ACTR3C: variants seen among roughly 807,000 people sequenced by gnomAD.
The protein encoded by ACTR3C is actin related protein 3C, also known as actin-related protein 3C.
ACTR3C carries 18 observed loss-of-function variants against 26.3 expected under a neutral mutation model. The ratio of observed to expected loss-of-function variants is 0.68; its 90% CI spans 0.47 to 1.01. The LOEUF is 1.01. Among genes scored for constraint, ACTR3C ranks in the 50% least tolerant of loss-of-function variants. The probability of loss-of-function intolerance (pLI) is 0.00; values close to 1 mark genes in which losing one functional copy is unlikely to be tolerated. For synonymous variants in ACTR3C, 55 were observed against 94.5 expected, an observed-to-expected ratio of 0.58 and a Z score of 2.42; for missense variants, 184 against 250.7, an observed-to-expected ratio of 0.73 and a Z score of 1.80.
At chr7:150,297,463 T>A (rs2129613751) in intron 1 of ACTR3C, among the ~76,000 whole-genome samples, 1 of 152,086 alleles carries the variant, frequency 6.6e-6, no homozygotes, top group South Asian at 2.1e-4. Flanking sequence ...GTTCATGAAC[T>A]ATTAGAGGAT....
chr7:149,881,781 G>A, the ACTR3C span: 3,628 of 153,032 alleles, frequency 0.024, 62 homozygotes, highest in Non-Finnish European at 0.038. Flanking sequence ...CCGGGAGGTT[G>A]CAGGTAGCCG....
At chr7:150,006,195 T>TTTATTTATTTATTTATTTATTTATTTA in the ACTR3C span, among the ~76,000 whole-genome samples, 1 of 150,472 alleles carries the variant, frequency 6.6e-6, no homozygotes, top group African/African-American at 2.5e-5. Context: ...AATTTATTTA[T>TTTATTTATTTATTTATTTATTTATTTA]TTATTTATTT....
the ACTR3C span, among the ~76,000 whole-genome samples, chr7:150,187,307 C>T: frequency 1.3e-5 from 2 of 151,496 alleles, no homozygotes; most frequent in African/African-American, 4.9e-5. Flanking sequence ...GACATTACCC[C>T]AACTGGCATT....
At chr7:150,016,587 T>C in the ACTR3C span, among the ~76,000 whole-genome samples, 2 of 152,082 alleles carry the variant, frequency 1.3e-5, no homozygotes, top group African/African-American at 4.8e-5. Context: ...ATCATAGGTA[T>C]TGAGAAGACA....
chr7:150,191,631 T>A, the ACTR3C span, among the ~76,000 whole-genome samples: 3 of 152,242 alleles, frequency 2.0e-5, no homozygotes, highest in African/African-American at 7.2e-5. Context: ...GGTTTTGCCA[T>A]GTAGAAAGTT....
At chr7:149,982,782 G>A in the ACTR3C span, among the ~76,000 whole-genome samples, 1 of 152,124 alleles carries the variant, frequency 6.6e-6, no homozygotes, top group African/African-American at 2.4e-5. Context: ...AATATTCTGT[G>A]AAGATAAGAA....
At chr7:150,276,853 C>T (rs1459734149) in intron 6 of ACTR3C, among the ~76,000 whole-genome samples, 3 of 152,168 alleles carry the variant, frequency 2.0e-5, no homozygotes, top group Admixed American at 1.3e-4. Flanking sequence ...TTTTCTTTCT[C>T]TTCTCAGGCG....
At chr7:150,109,437 A>G in the ACTR3C span, among the ~76,000 whole-genome samples, 2 of 151,840 alleles carry the variant, frequency 1.3e-5, no homozygotes, top group Admixed American at 1.3e-4. Flanking sequence ...TGATTCCCCA[A>G]TGAGAGAGGC....
chr7:150,285,223 G>A (rs1378981555), intron 5 of ACTR3C, among the ~76,000 whole-genome samples: 1 of 152,194 alleles, frequency 6.6e-6, no homozygotes, highest in East Asian at 1.9e-4. Context: ...TTCGTATTAT[G>A]AGAAAATTAG....
At chr7:149,923,693 T>TAC in the ACTR3C span, among the ~76,000 whole-genome samples, 98 of 151,410 alleles carry the variant, frequency 6.5e-4, no homozygotes, top group Admixed American at 2.6e-3. Context: ...ACAGACTAGG[T>TAC]ACACACACAC....
At chr7:150,203,668 G>A in the ACTR3C span, among the ~76,000 whole-genome samples, 11 of 152,030 alleles carry the variant, frequency 7.2e-5, no homozygotes, top group East Asian at 1.4e-3. Context: ...CTGGTTCAAG[G>A]GATTCTCCTG....
chr7:150,198,952 G>A, the ACTR3C span, among the ~76,000 whole-genome samples: 4 of 133,326 alleles, frequency 3.0e-5, no homozygotes, highest in Admixed American at 7.1e-5. Context: ...CCCCCTGCCC[G>A]GCCAGCCGCC....
chr7:150,295,445 C>G, intron 1 of ACTR3C, 98 bp from the exon 2 acceptor site: 1 of 1,234,928 alleles, frequency 8.1e-7, no homozygotes, highest in Non-Finnish European at 1.2e-6. Context: ...TTAGCGAGGA[C>G]ATTATACAAT....
At chr7:150,179,926 C>CT in the ACTR3C span, among the ~76,000 whole-genome samples, 1 of 151,346 alleles carries the variant, frequency 6.6e-6, no homozygotes, top group African/African-American at 2.5e-5. Context: ...ATATTGCTGC[C>CT]TTTTTTTCTT....
the ACTR3C span, among the ~76,000 whole-genome samples, chr7:150,095,925 A>G: frequency 1.5e-4 from 22 of 150,100 alleles, no homozygotes; most frequent in Non-Finnish European, 3.1e-4. Flanking sequence ...ACTACAGTCC[A>G]AAGCTGACAG....
At chr7:150,044,010 A>T in the ACTR3C span, among the ~76,000 whole-genome samples, 4 of 152,172 alleles carry the variant, frequency 2.6e-5, no homozygotes, top group East Asian at 7.7e-4. Flanking sequence ...ATGGGTGGTG[A>T]TTTGCTAATG....
intron 6 of ACTR3C, among the ~76,000 whole-genome samples, chr7:150,258,652 C>T (rs1833408435): frequency 6.6e-6 from 1 of 152,110 alleles, no homozygotes; most frequent in Non-Finnish European, 1.5e-5. Context: ...TGGAGAAAGG[C>T]CAAGTGGAAA....
the ACTR3C span, among the ~76,000 whole-genome samples, chr7:150,210,891 A>G: frequency 1.4e-5 from 2 of 144,838 alleles, no homozygotes; most frequent in Non-Finnish European, 2.9e-5. Flanking sequence ...ACAGTCAACT[A>G]TACCTCAATG....
the ACTR3C span, among the ~76,000 whole-genome samples, chr7:150,007,204 T>TTGC: frequency 6.6e-6 from 1 of 152,152 alleles, no homozygotes; most frequent in Non-Finnish European, 1.5e-5. Context: ...GCACCCGCTT[T>TTGC]TGCCAAGTTC....
Sources: allele counts gnomAD v4.1 joint callset (sites outside exome capture counted in the v4.1 genomes callset), GRCh38; gene constraint gnomAD v4.1.1; transcripts MANE v1.5; gene names NCBI Gene and HGNC (gene_info 2026-07-23, HGNC 2026-07-21).